NOTCH3: variants seen among roughly 807,000 people sequenced by gnomAD.
NOTCH3 encodes the protein neurogenic locus notch homolog protein 3.
NOTCH3 carries 86 observed loss-of-function variants against 213.3 expected under a neutral mutation model. That is an observed-to-expected ratio of 0.40 (90% CI 0.34 to 0.48). NOTCH3 has a LOEUF of 0.48. NOTCH3 is among the 20% of genes least tolerant of loss of function. The pLI, the probability that NOTCH3 is intolerant of heterozygous loss-of-function variation, is 0.57. For missense variants in NOTCH3, 2,783 were observed against 3,272.6 expected (o/e 0.85, Z 3.65); for synonymous variants, 1,354 against 1,355.9 (o/e 1.00, Z 0.03).
In NOTCH3 at chr19:15,159,552, G is replaced by A. The variant is rs2046622639; in HGVS notation, c.*1110C>T. 1 of 213,218 alleles carries A rather than the reference G, an allele frequency of 4.7e-6. No individual in the cohort carries two copies. The highest frequency in any genetic ancestry group is 9.5e-6 in the Non-Finnish European group (1 of 105,516). 13.2% of individuals were successfully genotyped at this position (213,218 alleles called of 1,614,324 possible). A position where few individuals can be genotyped will look rare whatever the true frequency, so the allele number is the denominator to read the frequency against. On this transcript the variant is annotated 3_prime_UTR_variant, in exon 33 of 33. Transcript: ENST00000263388. ...CAAATGTATTTACCCCAAGATGGGAGCTCAAGTTAGCCCTGGGTGGGGGAG... is the reference window on the plus strand; with the variant it reads ...CAAATGTATTTACCCCAAGATGGGAACTCAAGTTAGCCCTGGGTGGGGGAG...
At chr19:15,197,441 G>GGGCCCCCCCCCCCCCCCCCC in intron 2 of NOTCH3, 59 bp downstream of exon 2, 1 of 768,362 alleles carries the variant, frequency 1.3e-6, no homozygotes, top group Non-Finnish European at 2.3e-6. Context: ...AAGACAAATC[G>GGGCCCCCCCCCCCCCCCCCC]CCCCTCCCCC....
intron 16 of NOTCH3, among the ~76,000 whole-genome samples, chr19:15,182,586 AT>A (rs1212214829): frequency 6.6e-6 from 1 of 151,616 alleles, no homozygotes; most frequent in Non-Finnish European, 1.5e-5. Flanking sequence ...ATGTTAATAT[AT>A]TGGGTTAAAT....
At chr19:15,177,102 G>C (rs2046797239) in intron 24 of NOTCH3, among the ~76,000 whole-genome samples, 1 of 138,852 alleles carries the variant, frequency 7.2e-6, no homozygotes, top group Admixed American at 7.2e-5. Flanking sequence ...AAAGGAATTC[G>C]GCTGGGCACG....
chr19:15,200,350 G>A (rs1354634247), intron 1 of NOTCH3, among the ~76,000 whole-genome samples: 4 of 151,086 alleles, frequency 2.6e-5, no homozygotes, highest in Non-Finnish European at 4.4e-5. Context: ...CCCCCGCCTG[G>A]CCCAGCCCGC....
intron 6 of NOTCH3, 121 bp from the exon 7 acceptor site, chr19:15,189,549 G>C: frequency 1.6e-6 from 2 of 1,247,976 alleles, no homozygotes; most frequent in Non-Finnish European, 2.3e-6. Flanking sequence ...ACGAAGTTTC[G>C]CTCTTGTTGC....
In NOTCH3 at chr19:15,177,623, G is replaced by A. The variant is rs1440298076; in HGVS notation, c.4305C>T (p.Arg1435=). 1.3e-6 allele frequency: 2 copies of A among 1,586,840 alleles called. No homozygotes were observed. Among genetic ancestry groups the A allele is most frequent in the African/African-American group, 1.3e-5 (1 of 74,278 alleles). The change falls in exon 24 of 33, where the codon CGC becomes CGT. Residue 1435 remains arginine (R), a synonymous_variant. Coordinates refer to ENST00000263388, the MANE Select transcript of NOTCH3 (RefSeq NM_000435.3). ...GGTCGCAGCGGCTGTTGTTGAAGAGGCGCCAGCACTGCAGCGCCTCGCATT... is the reference window on the plus strand; with the variant it reads ...GGTCGCAGCGGCTGTTGTTGAAGAGACGCCAGCACTGCAGCGCCTCGCATT... ...WRQCEALQCW[R]LFNNSRCDPA...
At chr19:15,177,219 A>C (rs1489476525) in intron 24 of NOTCH3, among the ~76,000 whole-genome samples, 1 of 151,788 alleles carries the variant, frequency 6.6e-6, no homozygotes, top group East Asian at 1.9e-4. Context: ...ACTGCACTCT[A>C]GCCTGGGCCA....
At position 15,186,479 on chromosome 19, in the gene NOTCH3, A is replaced by G. The variant is rs1011624420; in HGVS notation, c.1951+399T>C. Among the ~76,000 whole-genome samples, 3 of 151,320 alleles carry G rather than the reference A, an allele frequency of 2.0e-5. No individual in the cohort carries two copies. The East Asian group carries it at 5.9e-4, about 30-fold the overall frequency. Reference sequence around the variant, plus strand: ...GAGTACAGTGGCACAATCTTGGCTCACTGCCGCCTCCGCCTCCTGAGGTCA... The same window carrying G: ...GAGTACAGTGGCACAATCTTGGCTCGCTGCCGCCTCCGCCTCCTGAGGTCA... On this transcript the variant is annotated intron_variant, in intron 12 of 32. Coordinates refer to ENST00000263388, the MANE Select transcript of NOTCH3 (RefSeq NM_000435.3).
At chr19:15,166,381 T>C (rs891733653) in intron 29 of NOTCH3, among the ~76,000 whole-genome samples, 2 of 147,136 alleles carry the variant, frequency 1.4e-5, no homozygotes, top group African/African-American at 5.5e-5. Flanking sequence ...CCAAAGGGAC[T>C]CTGGAACATG....
chr19:15,161,795 G>A, intron 32 of NOTCH3, 81 bp from the exon 33 acceptor site: 1 of 1,273,494 alleles, frequency 7.9e-7, no homozygotes, highest in Non-Finnish European at 1.1e-6. Context: ...GGGAGCCCGA[G>A]AGCTATGAGT....
rs746000465 is a variant in NOTCH3 at position 15,160,760 on chromosome 19, G to A, written c.6868C>T (p.Gln2290Ter). ...MATTTGALPA[Q>*]PLPLSVPSSL... ...CTGGGAACAGACAAGGGAAGTGGCT[G>A]GGCAGGCAGTGCCCCAGTGGTGGTG... The change falls in exon 33 of 33, where the codon CAG (glutamine) becomes TAG (stop). Residue 2290 changes from glutamine (Q) to a stop codon, truncating the protein, a stop_gained. Coordinates refer to ENST00000263388, the MANE Select transcript of NOTCH3 (RefSeq NM_000435.3). LOFTEE classifies it high-confidence loss of function. The A allele has an allele frequency of 1.9e-6, 3 of 1,614,176 alleles. No homozygotes were observed. The highest frequency in any genetic ancestry group is 2.5e-6 in the Non-Finnish European group (3 of 1,180,000).
chr19:15,183,327 A>G (rs1020787853), intron 16 of NOTCH3, among the ~76,000 whole-genome samples: 1 of 152,184 alleles, frequency 6.6e-6, no homozygotes, highest in African/African-American at 2.4e-5. Context: ...TGTGGCTACT[A>G]GAAAATTTAA....
At chr19:15,174,933 C>T (rs1451472156) in intron 24 of NOTCH3, among the ~76,000 whole-genome samples, 2 of 152,016 alleles carry the variant, frequency 1.3e-5, no homozygotes, top group South Asian at 4.2e-4. Flanking sequence ...TTGCCCACGC[C>T]GGAGTGCAGT....
chr19:15,160,522 C>T lies in NOTCH3; in HGVS notation c.*140G>A, dbSNP rs1485679500. The T allele has an allele frequency of 2.9e-5, 23 of 803,844 alleles. No homozygotes were observed. The highest frequency in any genetic ancestry group is 1.6e-4 in the South Asian group (12 of 72,888). The allele number at this position is 803,844 out of a possible 1,614,324, so 49.8% of individuals were successfully genotyped here. A position where few individuals can be genotyped will look rare whatever the true frequency, so the allele number is the denominator to read the frequency against. On this transcript the variant is annotated 3_prime_UTR_variant, in exon 33 of 33. Transcript: ENST00000263388. ...CTGGGCTGATGACCTATCTCGGTCA[C>T]GCTGCAAGGCAAGGATGCAGGAGGG...
chr19:15,180,362 T>A, intron 19 of NOTCH3, 106 bp from the exon 20 acceptor site: 1 of 1,255,294 alleles, frequency 8.0e-7, no homozygotes, highest in Admixed American at 1.9e-5. Flanking sequence ...GTCCCCAGGA[T>A]CGCACCCACA....
At chr19:15,200,639 T>A (rs2145456993) in intron 1 of NOTCH3, 149 bp downstream of exon 1, 2 of 496,436 alleles carry the variant, frequency 4.0e-6, no homozygotes, top group Non-Finnish European at 5.8e-6. Context: ...CTCTGGGTCC[T>A]CCAGGACTGG....
In NOTCH3 at chr19:15,161,201, G is replaced by C; in HGVS notation, c.6427C>G (p.Pro2143Ala). 1 of 1,542,804 alleles carries C rather than the reference G, an allele frequency of 6.5e-7. No individual in the cohort carries two copies. The highest frequency in any genetic ancestry group is 1.4e-5 in the African/African-American group (1 of 73,764). Reference sequence around the variant, plus strand: ...TGGCGCCCTAGACCCGCCCGGCCTGGGCCACCAAGCTGTGCCAGAGACACT... The same window carrying C: ...TGGCGCCCTAGACCCGCCCGGCCTGCGCCACCAAGCTGTGCCAGAGACACT... ...TAVSLAQLGG[P>A]GRAGLGRQPP... The change falls in exon 33 of 33, where the codon CCA becomes GCA. Residue 2143 changes from proline to alanine, a missense_variant. Pro to Ala is a conservative substitution (Grantham distance 27). Transcript: ENST00000263388.
intron 25 of NOTCH3, among the ~76,000 whole-genome samples, 171 bp from the exon 26 acceptor site, chr19:15,170,996 A>C (rs934808578): frequency 6.6e-6 from 1 of 151,984 alleles, no homozygotes; most frequent in African/African-American, 2.4e-5. Context: ...GCACCCCTAA[A>C]ACGTGTCTTG....
At chr19:15,190,802 G>A (rs895063109) in intron 6 of NOTCH3, among the ~76,000 whole-genome samples, 13 of 152,146 alleles carry the variant, frequency 8.5e-5, no homozygotes, top group African/African-American at 3.1e-4. Context: ...GCCCAGGCTG[G>A]TCTCAAACTG....
Sources: allele counts gnomAD v4.1 joint callset (sites outside exome capture counted in the v4.1 genomes callset), GRCh38; gene constraint gnomAD v4.1.1; transcripts MANE v1.5; gene names NCBI Gene and HGNC (gene_info 2026-07-23, HGNC 2026-07-21).